Variants in ZNF487 observed in about 807,000 individuals in gnomAD.
ZNF487 encodes KRAB domain only 1.
A neutral mutation model predicts 3.0 loss-of-function variants in ZNF487; 4 were observed. The ratio of observed to expected loss-of-function variants is 1.35; its 90% CI spans 0.66 to 3.08. The LOEUF is 3.08. Among genes scored for constraint, ZNF487 ranks in the 30% most tolerant of loss-of-function variants. The probability of loss-of-function intolerance (pLI) is 0.01; values close to 1 mark genes in which losing one functional copy is unlikely to be tolerated. For missense variants in ZNF487, 146 were observed against 98.7 expected, an observed-to-expected ratio of 1.48 and a Z score of -2.03; for synonymous variants, 55 against 34.6, an observed-to-expected ratio of 1.59 and a Z score of -2.06.
the ZNF487 span, among the ~76,000 whole-genome samples, chr10:43,502,679 G>A: frequency 1.3e-5 from 2 of 152,062 alleles, no homozygotes; most frequent in Admixed American, 1.3e-4. Context: ...TATGTTACTG[G>A]TTTATGTATT....
At position 43,470,486 on chromosome 10, in the gene ZNF487, C is replaced by T. The variant is rs185007404; in HGVS notation, c.-93-5235C>T. Among the ~76,000 whole-genome samples, 412 of 152,160 alleles carry T rather than the reference C, an allele frequency of 2.7e-3. 5 individuals carry two copies. Among genetic ancestry groups the T allele is most frequent in the Admixed American group, 0.022 (335 of 15,274 alleles). Reference sequence around the variant, plus strand: ...GCAACCTCCACCTCCCAGGTTCAAGCGATTCTCCTGCCTCAGCCTCCCAAG... The same window carrying T: ...GCAACCTCCACCTCCCAGGTTCAAGTGATTCTCCTGCCTCAGCCTCCCAAG... On this transcript the variant is annotated intron_variant, in intron 1 of 3. Coordinates refer to ENST00000437590, the MANE Select transcript of ZNF487 (RefSeq NM_001355444.3).
At chr10:43,487,929 CAAAAAAAAAAAAA>C (rs76705594), downstream of ZNF487, among the ~76,000 whole-genome samples, 4 of 40,458 alleles carry the variant, frequency 9.9e-5, no homozygotes, top group Non-Finnish European at 1.8e-4. Flanking sequence ...TACCAAAATA[CAAAAAAAAAAAAA>C]AAAAAAAAAA....
At chr10:43,481,346 A>C in intron 3 of ZNF487, 83 bp from the exon 4 acceptor site, 1 of 633,076 alleles carries the variant, frequency 1.6e-6, no homozygotes, top group Non-Finnish European at 2.8e-6. Flanking sequence ...AAAAAAAAGA[A>C]AAAAAAAGCA....
chr10:43,502,364 A>G, the ZNF487 span, among the ~76,000 whole-genome samples: 2 of 151,166 alleles, frequency 1.3e-5, no homozygotes, highest in Non-Finnish European at 2.9e-5. Flanking sequence ...GGGGAACATC[A>G]CACACTGGGG....
At chr10:43,518,958 G>A in the ZNF487 span, among the ~76,000 whole-genome samples, 6 of 152,048 alleles carry the variant, frequency 3.9e-5, no homozygotes, top group Non-Finnish European at 7.4e-5. Context: ...AAGCTAAAAA[G>A]TAAAATTATA....
At chr10:43,510,617 G>A in the ZNF487 span, among the ~76,000 whole-genome samples, 2 of 152,046 alleles carry the variant, frequency 1.3e-5, no homozygotes, top group Admixed American at 6.5e-5. Flanking sequence ...GCATGATCTT[G>A]GTTCACTGCA....
At chr10:43,487,506 A>G (rs1203976071), downstream of ZNF487, among the ~76,000 whole-genome samples, 2 of 146,772 alleles carry the variant, frequency 1.4e-5, no homozygotes, top group Admixed American at 6.9e-5. Context: ...CTGGAGTGCA[A>G]TGGCGCAATC....
At chr10:43,501,222 T>A in the ZNF487 span, among the ~76,000 whole-genome samples, 9 of 151,736 alleles carry the variant, frequency 5.9e-5, no homozygotes, top group Non-Finnish European at 1.3e-4. Context: ...TGAAAAAAAA[T>A]GGTATACCTG....
the ZNF487 span, among the ~76,000 whole-genome samples, chr10:43,493,687 C>CA: frequency 0.033 from 422 of 12,962 alleles, no homozygotes; most frequent in East Asian, 0.04. Flanking sequence ...GACCCTTCCT[C>CA]AAAAAAAGAA....
At chr10:43,447,094 C>T (rs999786464) in intron 1 of ZNF487, among the ~76,000 whole-genome samples, 1 of 151,664 alleles carries the variant, frequency 6.6e-6, no homozygotes, top group African/African-American at 2.4e-5. Flanking sequence ...CAGGCTGAGG[C>T]AGGAGAATCA....
chr10:43,474,409 G>A (rs973667749), intron 1 of ZNF487, among the ~76,000 whole-genome samples: 4 of 149,316 alleles, frequency 2.7e-5, no homozygotes, highest in African/African-American at 9.9e-5. Flanking sequence ...AGCTGAGATC[G>A]TGCCATTGCA....
downstream of ZNF487, among the ~76,000 whole-genome samples, chr10:43,486,237 C>G (rs184835210): frequency 3.9e-3 from 600 of 152,158 alleles, 1 homozygote; most frequent in Non-Finnish European, 6.2e-3. Flanking sequence ...TTTAAGAAAT[C>G]TAAAAGCCTG....
chr10:43,496,765 C>T, the ZNF487 span, among the ~76,000 whole-genome samples: 3 of 152,118 alleles, frequency 2.0e-5, no homozygotes, highest in Admixed American at 2.0e-4. Flanking sequence ...TTCCAGGTTG[C>T]AGACTGCCAA....
At chr10:43,510,475 A>T in the ZNF487 span, among the ~76,000 whole-genome samples, 3 of 152,134 alleles carry the variant, frequency 2.0e-5, no homozygotes, top group Non-Finnish European at 2.9e-5. Context: ...CCTTACCTCC[A>T]TTGTGGAGTA....
intron 1 of ZNF487, among the ~76,000 whole-genome samples, chr10:43,439,237 G>C (rs1424721607): frequency 1.3e-5 from 2 of 150,754 alleles, no homozygotes; most frequent in African/African-American, 2.4e-5. Context: ...ACGAGATTCC[G>C]TCTCAAAAAA....
chr10:43,485,544 A>G (rs1023782600), downstream of ZNF487, among the ~76,000 whole-genome samples: 2 of 152,110 alleles, frequency 1.3e-5, no homozygotes, highest in African/African-American at 2.4e-5. Flanking sequence ...TAGAAATTCA[A>G]CCTCTTTCAG....
In ZNF487 at chr10:43,454,906, C is replaced by A. The variant is rs367573988; in HGVS notation, c.-94+17644C>A. ...TGAGCCGTGACTGCGCCACTACACT[C>A]CAGCCTGGGCAACAGAGCCAGACCT... On this transcript the variant is annotated intron_variant, in intron 1 of 3. Coordinates refer to ENST00000437590, the MANE Select transcript of ZNF487 (RefSeq NM_001355444.3). 1.2e-4 allele frequency among the ~76,000 whole-genome samples: 17 copies of A among 145,596 alleles called. No individual in the cohort carries two copies. In the South Asian group the frequency reaches 3.5e-3, roughly 30 times the overall value.
chr10:43,508,750 G>A, the ZNF487 span, among the ~76,000 whole-genome samples: 1 of 152,178 alleles, frequency 6.6e-6, no homozygotes, highest in South Asian at 2.1e-4. Flanking sequence ...GGAGGCTGAG[G>A]CAGGAGAATC....
At chr10:43,479,537 C>T (rs12359520) in intron 3 of ZNF487, among the ~76,000 whole-genome samples, 27,461 of 152,124 alleles carry the variant, frequency 0.18, 2,680 homozygotes, top group Non-Finnish European at 0.2. Flanking sequence ...ATTACATCAT[C>T]CTTCAATTTT....
Sources: allele counts gnomAD v4.1 joint callset (sites outside exome capture counted in the v4.1 genomes callset), GRCh38; gene constraint gnomAD v4.1.1; transcripts MANE v1.5; gene names NCBI Gene and HGNC (gene_info 2026-07-23, HGNC 2026-07-21).